Variants in LRPAP1 observed in about 807,000 individuals in gnomAD.
LRPAP1 encodes alpha-2-macroglobulin receptor-associated protein.
LRPAP1 carries 41 observed loss-of-function variants against 39.9 expected under a neutral mutation model. The observed-to-expected ratio is 1.03, with a 90% CI of 0.80 to 1.33. LRPAP1 has a LOEUF of 1.33. Ranked by LOEUF, LRPAP1 falls within the 40% of genes most tolerant of loss-of-function variation. The probability of loss-of-function intolerance (pLI) is 0.00; values close to 1 mark genes in which losing one functional copy is unlikely to be tolerated. For missense variants in LRPAP1, 565 were observed against 482.3 expected (o/e 1.17, Z -1.61); for synonymous variants, 263 against 212.7 (o/e 1.24, Z -2.06).
chr4:3,521,618 G>A (rs1397362659), intron 2 of LRPAP1, among the ~76,000 whole-genome samples: 1 of 152,192 alleles, frequency 6.6e-6, no homozygotes, highest in Non-Finnish European at 1.5e-5. Context: ...GGCCATGGGG[G>A]TCTCAAGGCC....
rs1435972234 is a variant in LRPAP1 at position 3,510,607 on chromosome 4, A to G, written c.*2367T>C. 1 of 152,282 alleles carries G rather than the reference A, an allele frequency of 6.6e-6. No homozygotes were observed. The highest frequency in any genetic ancestry group is 1.5e-5 in the Non-Finnish European group (1 of 68,050). 9.4% of individuals were successfully genotyped at this position (152,282 alleles called of 1,614,324 possible). A position where few individuals can be genotyped will look rare whatever the true frequency, so the allele number is the denominator to read the frequency against. On this transcript the variant is annotated 3_prime_UTR_variant, in exon 8 of 8. Coordinates refer to ENST00000650182, the MANE Select transcript of LRPAP1 (RefSeq NM_002337.4). Reference sequence around the variant, plus strand: ...GATCCTGACTGCAACCCACACTGGAAACGTACACTCCTGAGTAGGGACTGG... The same window carrying G: ...GATCCTGACTGCAACCCACACTGGAGACGTACACTCCTGAGTAGGGACTGG...
rs1560246873 is a variant in LRPAP1, at chr4:3,505,650, C to G, written c.*7324G>C. On this transcript the variant is annotated 3_prime_UTR_variant, in exon 8 of 8. Coordinates refer to ENST00000650182, the MANE Select transcript of LRPAP1 (RefSeq NM_002337.4). ...CCAAGCCCGTCTATACCAGCTACCC[C>G]AAGACCGTCTATACCAGCTACCCCA... is the stretch of plus-strand genomic sequence containing the variant. 1.3e-5 allele frequency among the ~76,000 whole-genome samples: 2 copies of G among 151,966 alleles called. No individual in the cohort carries two copies. The highest frequency in any genetic ancestry group is 1.3e-4 in the Admixed American group (2 of 15,246).
At position 3,532,398 on chromosome 4, in the gene LRPAP1, C is replaced by T. The variant is rs920198660; in HGVS notation, c.15G>A (p.Arg5=). The change falls in exon 1 of 8, where the codon AGG becomes AGA. Residue 5 remains arginine (R), a synonymous_variant. Transcript: ENST00000650182. ...GGAGCCCGCGCAGAAACGACCTGACCCTCCGCGGCGCCATCTTCCTCTGCG... is the reference window on the plus strand; with the variant it reads ...GGAGCCCGCGCAGAAACGACCTGACTCTCCGCGGCGCCATCTTCCTCTGCG... MAPR[R]VRSFLRGLPA... is the part of the protein sequence containing the mutation. 6.3e-6 allele frequency: 10 copies of T among 1,577,704 alleles called. No homozygotes were observed. Among genetic ancestry groups the T allele is most frequent in the East Asian group, 2.3e-5 (1 of 43,224 alleles).
At chr4:3,519,077 G>T (rs937340180) in intron 3 of LRPAP1, 86 bp from the exon 4 acceptor site, 20 of 1,559,844 alleles carry the variant, frequency 1.3e-5, no homozygotes, top group Non-Finnish European at 1.6e-5. Context: ...CTCATGGCCA[G>T]GCAGGCCCTT....
intron 4 of LRPAP1, among the ~76,000 whole-genome samples, 178 bp from the exon 5 acceptor site, chr4:3,518,370 C>CCAGGCAAGA (rs1553854022): frequency 6.6e-6 from 1 of 151,410 alleles, no homozygotes; most frequent in East Asian, 2.0e-4. Flanking sequence ...AGCTTCCTTT[C>CCAGGCAAGA]CAGGCGAGAC....
chr4:3,530,344 A>G (rs1289471627), intron 1 of LRPAP1, among the ~76,000 whole-genome samples: 1 of 152,222 alleles, frequency 6.6e-6, no homozygotes, highest in Non-Finnish European at 1.5e-5. Flanking sequence ...TCTGGAAGGA[A>G]AATCAGGACG....
chr4:3,518,287 C>A (rs1017515880), intron 4 of LRPAP1, 95 bp from the exon 5 acceptor site: 36 of 1,339,156 alleles, frequency 2.7e-5, no homozygotes, highest in Non-Finnish European at 3.5e-5. Context: ...GGAGCTCAAA[C>A]TCGCTCTCAT....
intron 3 of LRPAP1, among the ~76,000 whole-genome samples, chr4:3,519,236 G>A (rs910731819): frequency 6.6e-6 from 1 of 152,238 alleles, no homozygotes; most frequent in Non-Finnish European, 1.5e-5. Flanking sequence ...GCTGGGGTGG[G>A]GAGCAGAAGA....
chr4:3,520,355 C>G, intron 2 of LRPAP1, 162 bp from the exon 3 acceptor site: 1 of 707,648 alleles, frequency 1.4e-6, no homozygotes, highest in Non-Finnish European at 2.3e-6. Context: ...CTGGGGAGAA[C>G]AAGAATGTAA....
rs1312296844 is a variant in LRPAP1, at chr4:3,516,100, G to A, written c.834+16C>T. 3 of 1,561,276 alleles carry A rather than the reference G, an allele frequency of 1.9e-6. No homozygotes were observed. The highest frequency in any genetic ancestry group is 2.7e-5 in the African/African-American group (2 of 73,992). ...CCACAGGAGAGAGCTAGAAGGAGAG[G>A]GCCGTGTTTCCTTACCCGGAACGCC... is the stretch of plus-strand genomic sequence containing the variant. On this transcript the variant is annotated intron_variant, in intron 6 of 7. Transcript: ENST00000650182.
chr4:3,531,189 AGG>A (rs1730239146), intron 1 of LRPAP1, among the ~76,000 whole-genome samples: 1 of 152,090 alleles, frequency 6.6e-6, no homozygotes, highest in Admixed American at 6.5e-5. Context: ...TGCTGGTCCC[AGG>A]AGCAGTTCAG....
chr4:3,513,772 G>A (rs998744408), intron 7 of LRPAP1, among the ~76,000 whole-genome samples: 2 of 152,208 alleles, frequency 1.3e-5, no homozygotes, highest in Non-Finnish European at 2.9e-5. Context: ...GGCAGCAGGT[G>A]CTGCGTCAGC....
intron 1 of LRPAP1, among the ~76,000 whole-genome samples, chr4:3,528,926 C>T (rs754938943): frequency 4.6e-5 from 7 of 152,194 alleles, no homozygotes; most frequent in Non-Finnish European, 1.0e-4. Context: ...GGGTGGGGCT[C>T]TGAGGGCTCC....
In LRPAP1 at chr4:3,507,029, C is replaced by G. The variant is rs1729374593; in HGVS notation, c.*5945G>C. ...ACCAGGACTCCGAGACCAGCCTGGG[C>G]AACACAGCGAGACCCAGTCTCTATA... is the stretch of plus-strand genomic sequence containing the variant. On this transcript the variant is annotated 3_prime_UTR_variant, in exon 8 of 8. Coordinates refer to ENST00000650182, the MANE Select transcript of LRPAP1 (RefSeq NM_002337.4). 1.3e-5 allele frequency: 2 copies of G among 152,194 alleles called. No individual in the cohort carries two copies. The highest frequency in any genetic ancestry group is 4.1e-4 in the South Asian group (2 of 4,874). 9.4% of individuals were successfully genotyped at this position (152,194 alleles called of 1,614,324 possible). A position where few individuals can be genotyped will look rare whatever the true frequency, so the allele number is the denominator to read the frequency against.
rs1729312448 is a variant in LRPAP1 at position 3,505,071 on chromosome 4, A to C, written c.*7903T>G. On this transcript the variant is annotated 3_prime_UTR_variant, in exon 8 of 8. Coordinates refer to ENST00000650182, the MANE Select transcript of LRPAP1 (RefSeq NM_002337.4). ...AGTGATACCAGAGGCTAAAATAATC[A>C]TGTGCCCTACCATGCACGCAGCCAT... is the stretch of plus-strand genomic sequence containing the variant. Among the ~76,000 whole-genome samples, 1 of 152,176 alleles carries C rather than the reference A, an allele frequency of 6.6e-6. No homozygotes were observed. The highest frequency in any genetic ancestry group is 2.4e-5 in the African/African-American group (1 of 41,410).
chr4:3,532,038 C>CG (rs1420066503), intron 1 of LRPAP1, 171 bp downstream of exon 1: 1 of 729,924 alleles, frequency 1.4e-6, no homozygotes, highest in Non-Finnish European at 2.2e-6. Flanking sequence ...CAGAAGGGGT[C>CG]GGGGCGCCCC....
At chr4:3,520,319 C>G in intron 2 of LRPAP1, 126 bp from the exon 3 acceptor site, 1 of 984,684 alleles carries the variant, frequency 1.0e-6, no homozygotes, top group Non-Finnish European at 1.5e-6. Context: ...TTCCTTTCAC[C>G]TGTTTCCTGG....
chr4:3,518,819 G>C, intron 4 of LRPAP1, 52 bp downstream of exon 4: 2 of 1,237,552 alleles, frequency 1.6e-6, no homozygotes, highest in East Asian at 5.1e-5. Context: ...GGAGGGGTGG[G>C]GGGCAGGAGG....
intron 2 of LRPAP1, 36 bp downstream of exon 2, chr4:3,524,871 G>C: frequency 6.2e-7 from 1 of 1,606,576 alleles, no homozygotes; most frequent in Non-Finnish European, 8.5e-7. Flanking sequence ...TAGGAAGAGG[G>C]ATACTCGACC....
Sources: gnomAD v4.1 joint callset for allele counts (sites outside exome capture counted in the v4.1 genomes callset) on GRCh38, gnomAD v4.1.1 for gene constraint, MANE v1.5 for transcripts, NCBI Gene and HGNC (gene_info 2026-07-23, HGNC 2026-07-21) for gene names.